The following CNTN4 variants were observed in gnomAD, a reference collection of about 807,000 sequenced individuals.
The protein encoded by CNTN4 is contactin 4.
CNTN4 carries 77 observed loss-of-function variants against 122.5 expected under a neutral mutation model. The ratio of observed to expected loss-of-function variants is 0.63; its 90% confidence interval spans 0.52 to 0.76. The LOEUF is 0.76. Among genes scored for constraint, CNTN4 ranks in the 30% least tolerant of loss-of-function variants. CNTN4 has a pLI of 0.00. For synonymous variants in CNTN4, 512 were observed against 447.0 expected (o/e 1.15, Z -1.83); for missense variants, 1,256 against 1,259.1 (o/e 1.00, Z 0.04).
At chr3:3,019,417 C>G (rs1698066307) in intron 14 of CNTN4, among the ~76,000 whole-genome samples, 1 of 152,112 alleles carries the variant, frequency 6.6e-6, no homozygotes, top group Non-Finnish European at 1.5e-5. Flanking sequence ...TTGCCTCAGC[C>G]TCCCGAGTAG....
chr3:2,197,983 C>T (rs1363819897), intron 2 of CNTN4, among the ~76,000 whole-genome samples: 1 of 151,156 alleles, frequency 6.6e-6, no homozygotes, highest in Non-Finnish European at 1.5e-5. Flanking sequence ...CCACTGCACT[C>T]CCACCTGGGC....
intron 6 of CNTN4, among the ~76,000 whole-genome samples, chr3:2,813,194 C>T (rs950139769): frequency 2.0e-5 from 3 of 152,162 alleles, no homozygotes; most frequent in Admixed American, 1.3e-4. Context: ...TCCAAAAATA[C>T]TTCTTTTTAT....
At position 2,542,540 on chromosome 3, in the gene CNTN4, C is replaced by T. The variant is rs113327681; in HGVS notation, c.-88-28876C>T. Among the ~76,000 whole-genome samples, 4 of 152,190 alleles carry T rather than the reference C, an allele frequency of 2.6e-5. 1 individual carries two copies. Among genetic ancestry groups the T allele is most frequent in the African/African-American group, 7.2e-5 (3 of 41,536 alleles). ...TTTCTTTCTATTCCTAACAGTGTGC[C>T]TAGCAACCGCTGATATAGTACAAAT... is the stretch of plus-strand genomic sequence containing the variant. On this transcript the variant is annotated intron_variant, in intron 3 of 24. Coordinates refer to ENST00000418658, the MANE Select transcript of CNTN4 (RefSeq NM_175607.3).
At chr3:2,799,681 C>T (rs1480204101) in intron 6 of CNTN4, among the ~76,000 whole-genome samples, 1 of 152,112 alleles carries the variant, frequency 6.6e-6, no homozygotes, top group Non-Finnish European at 1.5e-5. Context: ...CCAGGCTGGC[C>T]TCAAACTCCT....
rs555064674 is a variant in CNTN4 at position 2,609,932 on chromosome 3, A to G, written c.55+38374A>G. Among the ~76,000 whole-genome samples, 14 of 152,234 alleles carry G rather than the reference A, an allele frequency of 9.2e-5. No individual in the cohort carries two copies. The South Asian group carries it at 2.9e-3, about 32-fold the overall frequency. On this transcript the variant is annotated intron_variant, in intron 4 of 24. Coordinates refer to ENST00000418658, the MANE Select transcript of CNTN4 (RefSeq NM_175607.3). ...CATAAAACTTTATTTTCTTCACCTT[A>G]ATTTTGAATACAATTACCAAATAAA...
chr3:2,189,442 A>T (rs1234244242), intron 2 of CNTN4, among the ~76,000 whole-genome samples: 1 of 152,184 alleles, frequency 6.6e-6, no homozygotes, highest in African/African-American at 2.4e-5. Context: ...AACAGGCACA[A>T]CAGATTGAGT....
intron 15 of CNTN4, among the ~76,000 whole-genome samples, chr3:3,027,925 GTCTA>G (rs1698865344): frequency 6.6e-6 from 1 of 152,166 alleles, no homozygotes; most frequent in African/African-American, 2.4e-5. Context: ...TATGGAAAAT[GTCTA>G]TCTCCCCTGT....
At chr3:3,051,770 G>A (rs1463473785) in intron 23 of CNTN4, among the ~76,000 whole-genome samples, 1 of 152,246 alleles carries the variant, frequency 6.6e-6, no homozygotes, top group African/African-American at 2.4e-5. Context: ...CCAGGGAACA[G>A]ATGGGTTCTA....
intron 3 of CNTN4, among the ~76,000 whole-genome samples, chr3:2,457,297 T>C (rs530824300): frequency 6.6e-6 from 1 of 152,264 alleles, no homozygotes; most frequent in Admixed American, 6.6e-5. Context: ...TGTTGATATT[T>C]TGATAACATT....
chr3:2,468,796 A>G (rs1575699716), intron 3 of CNTN4, among the ~76,000 whole-genome samples: 2 of 152,040 alleles, frequency 1.3e-5, no homozygotes, highest in African/African-American at 4.8e-5. Flanking sequence ...TCATTCTATC[A>G]GAATCACATC....
At chr3:2,575,083 A>G (rs112600426) in intron 4 of CNTN4, among the ~76,000 whole-genome samples, 4,706 of 152,196 alleles carry the variant, frequency 0.031, 148 homozygotes, top group African/African-American at 0.075. Flanking sequence ...TATTTCTACC[A>G]TAAAGATAAA....
chr3:2,844,763 G>C (rs17645228), intron 7 of CNTN4, among the ~76,000 whole-genome samples: 42,998 of 152,010 alleles, frequency 0.28, 6,148 homozygotes, highest in Middle Eastern at 0.32. Flanking sequence ...TCTATTTAAG[G>C]GACAATAAAG....
At chr3:2,981,909 G>A (rs1334438088) in intron 13 of CNTN4, among the ~76,000 whole-genome samples, 1 of 151,986 alleles carries the variant, frequency 6.6e-6, no homozygotes, top group Non-Finnish European at 1.5e-5. Context: ...AGCTAGACGT[G>A]GGGGTACATG....
At chr3:2,253,792 C>G (rs1398458536) in intron 2 of CNTN4, among the ~76,000 whole-genome samples, 1 of 152,118 alleles carries the variant, frequency 6.6e-6, no homozygotes, top group Non-Finnish European at 1.5e-5. Flanking sequence ...CTGGCATGAG[C>G]CACCACACCT....
At position 2,745,830 on chromosome 3, in the gene CNTN4, C is replaced by G. The variant is rs906806863; in HGVS notation, c.358+133C>G. 31 of 794,564 alleles carry G rather than the reference C, an allele frequency of 3.9e-5. No individual in the cohort carries two copies. The African/African-American group carries it at 4.8e-4, about 12-fold the overall frequency. The allele number at this position is 794,564 out of a possible 1,614,324, so 49.2% of individuals were successfully genotyped here. A position where few individuals can be genotyped will look rare whatever the true frequency, so the allele number is the denominator to read the frequency against. ...ACATGATCATCTTTACTCTTTTTCA[C>G]ATTTTGGAAACAATTTTATTTGTAG... On this transcript the variant is annotated intron_variant, in intron 6 of 24. Coordinates refer to ENST00000418658, the MANE Select transcript of CNTN4 (RefSeq NM_175607.3).
At chr3:3,039,180 A>G in intron 19 of CNTN4, 177 bp downstream of exon 19, 3 of 630,762 alleles carry the variant, frequency 4.8e-6, no homozygotes, top group Non-Finnish European at 8.6e-6. Context: ...GCACTTGCCC[A>G]TCCATTGTTG....
At chr3:2,778,535 T>C (rs535938996) in intron 6 of CNTN4, among the ~76,000 whole-genome samples, 133 of 152,208 alleles carry the variant, frequency 8.7e-4, no homozygotes, top group Non-Finnish European at 1.6e-3. Flanking sequence ...TTCCTATTGC[T>C]CTCACTCATA....
At chr3:2,927,544 A>G (rs1363375425) in intron 13 of CNTN4, 1 of 281,728 alleles carries the variant, frequency 3.5e-6, no homozygotes, top group African/African-American at 2.2e-5. Flanking sequence ...AGACAACCTA[A>G]TATTTTGAAC....
intron 6 of CNTN4, among the ~76,000 whole-genome samples, chr3:2,798,997 A>G (rs1576836256): frequency 6.6e-6 from 1 of 152,102 alleles, no homozygotes; most frequent in African/African-American, 2.4e-5. Flanking sequence ...ATCCTCACCA[A>G]CATATTCTTT....
Sources: allele counts gnomAD v4.1 joint callset (sites outside exome capture counted in the v4.1 genomes callset), GRCh38; gene constraint gnomAD v4.1.1; transcripts MANE v1.5; gene names NCBI Gene and HGNC (gene_info 2026-07-23, HGNC 2026-07-21).